Variants in ASPA observed in about 807,000 individuals in gnomAD.
ASPA encodes aspartoacylase.
In ASPA, 25 loss-of-function variants were observed where a neutral mutation model predicts 29.6. The ratio of observed to expected loss-of-function variants is 0.85; its 90% CI spans 0.62 to 1.18. The LOEUF (loss-of-function observed/expected upper bound fraction) is 1.18, where lower values mean the gene tolerates loss of function less well. ASPA is among the 50% of genes most tolerant of loss of function. The probability of loss-of-function intolerance (pLI) is 0.00; values close to 1 mark genes in which losing one functional copy is unlikely to be tolerated. For synonymous variants in ASPA, 131 were observed against 130.3 expected (o/e 1.01, Z -0.04); for missense variants, 333 against 385.7 (o/e 0.86, Z 1.14).
At chr17:3,493,949 C>G (rs567651967) in intron 4 of ASPA, among the ~76,000 whole-genome samples, 1 of 152,190 alleles carries the variant, frequency 6.6e-6, no homozygotes, top group South Asian at 2.1e-4. Context: ...TAAACGTTAT[C>G]TGTTCTCCCC....
chr17:3,496,305 A>G lies in ASPA; in HGVS notation c.744+1846A>G, dbSNP rs187139989. 3.6e-4 allele frequency among the ~76,000 whole-genome samples: 55 copies of G among 152,372 alleles called. No homozygotes were observed. The East Asian group carries it at 4.0e-3, about 11-fold the overall frequency. ...GAGAACTGACCATGAATAAGTAAAC[A>G]ATATGTAAACCAAATCATTTCAAAC... On this transcript the variant is annotated intron_variant, in intron 5 of 5. Transcript: ENST00000263080.
At chr17:3,478,455 A>AT (rs2073569686) in intron 1 of ASPA, among the ~76,000 whole-genome samples, 1 of 152,196 alleles carries the variant, frequency 6.6e-6, no homozygotes, top group Admixed American at 6.5e-5. Context: ...CTTTATCTTC[A>AT]TGACTGAGGT....
chr17:3,498,245 C>T (rs2073940159), intron 5 of ASPA, among the ~76,000 whole-genome samples: 1 of 152,228 alleles, frequency 6.6e-6, no homozygotes, highest in Non-Finnish European at 1.5e-5. Flanking sequence ...GAGCTGGCAA[C>T]AGGCAGACTA....
Position 3,485,476 on chromosome 17 carries a change from G to A in ASPA, c.526+1884G>A, listed in dbSNP as rs2073702617. Reference sequence around the variant, plus strand: ...TGCAGTGAGCCGAGATCATGCCATTGCACTCCAGCCGGGGCAACAAAAGTG... The same window carrying A: ...TGCAGTGAGCCGAGATCATGCCATTACACTCCAGCCGGGGCAACAAAAGTG... On this transcript the variant is annotated intron_variant, in intron 3 of 5. Transcript: ENST00000263080. The surrounding 1 kb of genome is among the most constrained non-coding windows in gnomAD (Gnocchi z 4.4). Among the ~76,000 whole-genome samples the A allele has an allele frequency of 6.6e-6, 1 of 152,166 alleles. No individual in the cohort carries two copies. The highest frequency in any genetic ancestry group is 1.5e-5 in the Non-Finnish European group (1 of 68,026).
intron 2 of ASPA, among the ~76,000 whole-genome samples, chr17:3,482,097 T>C (rs956922419): frequency 2.0e-5 from 3 of 152,336 alleles, no homozygotes; most frequent in African/African-American, 7.2e-5. Flanking sequence ...AGCCACCAGA[T>C]GGTGGGGTAT....
chr17:3,498,791 C>T, intron 5 of ASPA, 100 bp from the exon 6 acceptor site: 1 of 1,173,262 alleles, frequency 8.5e-7, no homozygotes. Flanking sequence ...TCTTTTAAAA[C>T]AACAGAATAC....
At position 3,483,536 on chromosome 17, in the gene ASPA, T is replaced by C. The variant is rs140357187; in HGVS notation, c.470T>C (p.Ile157Thr). 1.7e-5 allele frequency: 27 copies of C among 1,614,210 alleles called. No homozygotes were observed. The African/African-American group carries it at 3.6e-4, about 22-fold the overall frequency. The change falls in exon 3 of 6, where the codon ATT becomes ACT. Residue 157 changes from isoleucine to threonine, a missense_variant. Coordinates refer to ENST00000263080, the MANE Select transcript of ASPA (RefSeq NM_000049.4). ...LAPLPCYVYLIEHPSLKYATT... is the reference protein window; with the variant it reads ...LAPLPCYVYLTEHPSLKYATT... ...CCACTACCCTGCTACGTTTATCTGATTGAGCATCCTTCCCTCAAATATGCG... is the reference window on the plus strand; with the variant it reads ...CCACTACCCTGCTACGTTTATCTGACTGAGCATCCTTCCCTCAAATATGCG...
At position 3,476,324 on chromosome 17, in the gene ASPA, C is replaced by T; in HGVS notation, c.165C>T (p.Pro55=). The T allele has an allele frequency of 6.2e-7, 1 of 1,614,178 alleles. No individual in the cohort carries two copies. Among genetic ancestry groups the T allele is most frequent in the Non-Finnish European group, 8.5e-7 (1 of 1,180,026 alleles). The part of the protein sequence containing the change: ...GLEVKPFITN[P]RAVKKCTRYI... ...AGGTAAAACCATTTATTACTAACCC[C>T]AGAGCAGTGAAGAAGTGTACCAGAT... Residue 55 remains proline (P), a synonymous_variant, in exon 1 of 6, where the codon CCC becomes CCT. Coordinates refer to ENST00000263080, the MANE Select transcript of ASPA (RefSeq NM_000049.4).
At chr17:3,487,924 C>A (rs1276722780) in intron 3 of ASPA, among the ~76,000 whole-genome samples, 3 of 152,184 alleles carry the variant, frequency 2.0e-5, no homozygotes, top group Non-Finnish European at 4.4e-5. Flanking sequence ...TTGTGTAAGT[C>A]ATTTATGCAC....
intron 1 of ASPA, among the ~76,000 whole-genome samples, chr17:3,480,008 T>C (rs903573825): frequency 6.0e-5 from 9 of 151,158 alleles, no homozygotes; most frequent in Non-Finnish European, 8.8e-5. Context: ...AAAATACATA[T>C]ATCTGTACCT....
rs939663426 is a variant in ASPA at position 3,502,558 on chromosome 17, T to C, written c.*3470T>C. The C allele has an allele frequency of 2.0e-5, 3 of 152,250 alleles. No individual in the cohort carries two copies. Among genetic ancestry groups the C allele is most frequent in the African/African-American group, 4.8e-5 (2 of 41,466 alleles). 9.4% of individuals were successfully genotyped at this position (152,250 alleles called of 1,614,324 possible). On this transcript the variant is annotated 3_prime_UTR_variant, in exon 6 of 6. Coordinates refer to ENST00000263080, the MANE Select transcript of ASPA (RefSeq NM_000049.4). ...CAGAGGAGACTTTTAAGTGCTGTTT[T>C]GTAGATGAAATATGAAAGAGAAACA...
Position 3,493,354 on chromosome 17 carries a change from A to T in ASPA, c.635-996A>T, listed in dbSNP as rs371881301. On this transcript the variant is annotated intron_variant, in intron 4 of 5. Transcript: ENST00000263080. ...GAGGCGGGCGGATCACAAGGTCAAG[A>T]AATCGAGACCATCCTGGCCAACATG... 3.4e-4 allele frequency among the ~76,000 whole-genome samples: 51 copies of T among 152,188 alleles called. No individual in the cohort carries two copies. In the South Asian group the frequency reaches 0.01, roughly 31 times the overall value.
At position 3,490,941 on chromosome 17, in the gene ASPA, T is replaced by C. The variant is rs73977746; in HGVS notation, c.634+1599T>C. On this transcript the variant is annotated intron_variant, in intron 4 of 5. Transcript: ENST00000263080. The surrounding 1 kb of genome is among the most constrained non-coding windows in gnomAD (Gnocchi z 4.6). ...AGCAAAGGATTCGGCAAATCAAAAA[T>C]TGTCAACCACGATTAATTTAGACTA... 0.031 allele frequency among the ~76,000 whole-genome samples: 4,776 copies of C among 152,230 alleles called. 258 individuals are homozygous for C. The highest frequency in any genetic ancestry group is 0.11 in the African/African-American group (4,430 of 41,526).
Position 3,502,221 on chromosome 17 carries a change from G to A in ASPA, c.*3133G>A, listed in dbSNP as rs1471610720. On this transcript the variant is annotated 3_prime_UTR_variant, in exon 6 of 6. Coordinates refer to ENST00000263080, the MANE Select transcript of ASPA (RefSeq NM_000049.4). ...GATGGTTAGCTTTTTTAGCAATAAAGCATTTTTAATGAAGGAATGTACATG... is the reference window on the plus strand; with the variant it reads ...GATGGTTAGCTTTTTTAGCAATAAAACATTTTTAATGAAGGAATGTACATG... The A allele has an allele frequency of 6.6e-6, 1 of 152,136 alleles. No homozygotes were observed. Among genetic ancestry groups the A allele is most frequent in the Non-Finnish European group, 1.5e-5 (1 of 68,022 alleles). 9.4% of individuals were successfully genotyped at this position (152,136 alleles called of 1,614,324 possible). A position where few individuals can be genotyped will look rare whatever the true frequency, so the allele number is the denominator to read the frequency against.
At chr17:3,477,823 G>A (rs1473270544) in intron 1 of ASPA, among the ~76,000 whole-genome samples, 1 of 152,052 alleles carries the variant, frequency 6.6e-6, no homozygotes, top group African/African-American at 2.4e-5. Context: ...CAGGTACTGG[G>A]GGAGTACACA....
intron 1 of ASPA, among the ~76,000 whole-genome samples, chr17:3,477,366 TATTA>T (rs1473139309): frequency 6.6e-6 from 1 of 152,216 alleles, no homozygotes; most frequent in Non-Finnish European, 1.5e-5. Flanking sequence ...GTTAGGTCCT[TATTA>T]ATTATTTTTG....
rs149605858 is a variant in ASPA, at chr17:3,495,546, GTTTGTT to G, written c.744+1121_744+1126del. Among the ~76,000 whole-genome samples the G allele has an allele frequency of 5.0e-3, 757 of 151,152 alleles. 10 individuals are homozygous for G. Among genetic ancestry groups the G allele is most frequent in the African/African-American group, 0.016 (663 of 41,114 alleles). ...ACCTGAAGAAGCAGCCTTAGGCAGT[GTTTGTT>G]TTTGTTTTTGTTTTTGTTTTTGTTT... On this transcript the variant is annotated intron_variant, in intron 5 of 5. Transcript: ENST00000263080.
chr17:3,483,429 G>A, intron 2 of ASPA, 70 bp from the exon 3 acceptor site: 1 of 1,317,356 alleles, frequency 7.6e-7, no homozygotes, highest in East Asian at 2.3e-5. Context: ...AGGTATTATT[G>A]ACTCTGTTGA....
At chr17:3,496,727 C>CAGTAGCGT (rs2073913131) in intron 5 of ASPA, among the ~76,000 whole-genome samples, 1 of 152,338 alleles carries the variant, frequency 6.6e-6, no homozygotes, top group East Asian at 1.9e-4. Flanking sequence ...TAAAGTAGCG[C>CAGTAGCGT]TTCTCAAACT....
Sources: gnomAD v4.1 joint callset for allele counts (sites outside exome capture counted in the v4.1 genomes callset) on GRCh38, gnomAD v4.1.1 for gene constraint, Gnocchi (gnomAD v3.1) non-coding constraint, MANE v1.5 for transcripts, NCBI Gene and HGNC (gene_info 2026-07-23, HGNC 2026-07-21) for gene names.